ABCA1: variants seen among roughly 807,000 people sequenced by gnomAD.
The protein encoded by ABCA1 is ATP binding cassette subfamily A member 1.
In ABCA1, 133 loss-of-function variants were observed where a neutral mutation model predicts 262.5. The observed-to-expected ratio is 0.51, with a 90% CI of 0.44 to 0.59. ABCA1 has a LOEUF of 0.59. Ranked by LOEUF, ABCA1 falls within the 20% of genes least tolerant of loss-of-function variation. The pLI is 0.00. For missense variants in ABCA1, 2,452 were observed against 2,777.5 expected (o/e 0.88, Z 2.63); for synonymous variants, 1,022 against 1,043.5 (o/e 0.98, Z 0.40).
At chr9:104,881,122 C>T (rs1838612511) in intron 5 of ABCA1, among the ~76,000 whole-genome samples, 1 of 152,122 alleles carries the variant, frequency 6.6e-6, no homozygotes, top group East Asian at 1.9e-4. Flanking sequence ...GCACTCCAGC[C>T]TGGTGACAGA....
chr9:104,926,449 CAA>C (rs33976424), intron 1 of ABCA1, among the ~76,000 whole-genome samples: 71,987 of 132,196 alleles, frequency 0.54, 18,973 homozygotes, highest in African/African-American at 0.7. Flanking sequence ...AACACGCTAA[CAA>C]AAAAAAAAAC....
At chr9:104,895,492 C>A (rs971823856) in intron 2 of ABCA1, among the ~76,000 whole-genome samples, 2 of 152,108 alleles carry the variant, frequency 1.3e-5, no homozygotes, top group South Asian at 4.1e-4. Flanking sequence ...GATGTTATGT[C>A]CCTGGTGGAA....
At chr9:104,818,961 A>G in intron 22 of ABCA1, 78 bp from the exon 23 acceptor site, 1 of 1,341,188 alleles carries the variant, frequency 7.5e-7, no homozygotes, top group East Asian at 2.5e-5. Context: ...GGGACTAGAG[A>G]GATATTAGCA....
At chr9:104,922,683 G>A (rs1842203963) in intron 1 of ABCA1, among the ~76,000 whole-genome samples, 1 of 152,076 alleles carries the variant, frequency 6.6e-6, no homozygotes, top group South Asian at 2.1e-4. Context: ...AATAAGAAAG[G>A]CACTTTCTCA....
intron 7 of ABCA1, among the ~76,000 whole-genome samples, chr9:104,858,247 T>C (rs926580622): frequency 3.9e-5 from 6 of 152,140 alleles, no homozygotes; most frequent in African/African-American, 1.4e-4. Flanking sequence ...AGTAAAAACA[T>C]GAAAAAGCAG....
intron 2 of ABCA1, among the ~76,000 whole-genome samples, chr9:104,901,756 T>A (rs966281170): frequency 2.6e-5 from 4 of 152,188 alleles, no homozygotes; most frequent in Non-Finnish European, 4.4e-5. Flanking sequence ...TATCTGGATT[T>A]GAACCCTACC....
rs1374237847 is a variant in ABCA1, at chr9:104,841,040, T to C, written c.814-521A>G. Reference sequence around the variant, plus strand: ...AACTCCCCGAACTCTAGTGTAGAAATTGAACAGCCCTCTTCCGCCTTGGGA... The same window carrying C: ...AACTCCCCGAACTCTAGTGTAGAAACTGAACAGCCCTCTTCCGCCTTGGGA... On this transcript the variant is annotated intron_variant, in intron 8 of 49. Transcript: ENST00000374736. Among the ~76,000 whole-genome samples, 5 of 152,304 alleles carry C rather than the reference T, an allele frequency of 3.3e-5. No individual in the cohort carries two copies. In the South Asian group the frequency reaches 6.2e-4, roughly 19 times the overall value.
intron 8 of ABCA1, among the ~76,000 whole-genome samples, chr9:104,841,042 G>A (rs939087380): frequency 6.6e-6 from 1 of 152,174 alleles, no homozygotes; most frequent in Admixed American, 6.5e-5. Context: ...TGTAGAAATT[G>A]AACAGCCCTC....
intron 2 of ABCA1, among the ~76,000 whole-genome samples, chr9:104,896,116 G>T (rs952286136): frequency 1.3e-5 from 2 of 152,184 alleles, no homozygotes; most frequent in Non-Finnish European, 1.5e-5. Context: ...AAATCTAAGA[G>T]AACTCACAAA....
At chr9:104,898,665 C>T (rs867658849) in intron 2 of ABCA1, among the ~76,000 whole-genome samples, 1 of 152,132 alleles carries the variant, frequency 6.6e-6, no homozygotes, top group African/African-American at 2.4e-5. Context: ...ACTACCAACT[C>T]ATCCCCCGCC....
chr9:104,832,130 C>A (rs1378848455), intron 12 of ABCA1, among the ~76,000 whole-genome samples: 1 of 152,182 alleles, frequency 6.6e-6, no homozygotes, highest in Non-Finnish European at 1.5e-5. Flanking sequence ...TGAGTCATAG[C>A]AACTAACCAA....
intron 1 of ABCA1, among the ~76,000 whole-genome samples, chr9:104,919,137 T>A (rs917938742): frequency 2.6e-5 from 4 of 152,196 alleles, no homozygotes; most frequent in Non-Finnish European, 5.9e-5. Flanking sequence ...AAGCTTTGTG[T>A]CTTACCGACC....
intron 27 of ABCA1, among the ~76,000 whole-genome samples, chr9:104,813,846 C>T (rs755148363): frequency 2.0e-5 from 3 of 152,200 alleles, no homozygotes; most frequent in Non-Finnish European, 4.4e-5. Flanking sequence ...GAAACTAGGA[C>T]CCCGCAGAAA....
intron 9 of ABCA1, among the ~76,000 whole-genome samples, chr9:104,838,616 CAAA>C (rs1191592377): frequency 3.7e-5 from 4 of 106,702 alleles, no homozygotes; most frequent in Admixed American, 9.9e-5. Flanking sequence ...GACTCCCTCT[CAAA>C]AAAAAAAAAA....
chr9:104,834,437 T>A (rs1380749019), intron 11 of ABCA1, among the ~76,000 whole-genome samples: 1 of 149,370 alleles, frequency 6.7e-6, no homozygotes, highest in Non-Finnish European at 1.5e-5. Context: ...AGACACAAAA[T>A]TGTACCTCAC....
chr9:104,884,111 C>T (rs1838938774), intron 4 of ABCA1, among the ~76,000 whole-genome samples: 2 of 152,222 alleles, frequency 1.3e-5, no homozygotes, highest in Admixed American at 1.3e-4. Context: ...CCCTCTAGCT[C>T]CTAGAGCCAG....
chr9:104,881,368 GAT>G (rs1838638117), intron 5 of ABCA1, among the ~76,000 whole-genome samples: 1 of 152,132 alleles, frequency 6.6e-6, no homozygotes, highest in Non-Finnish European at 1.5e-5. Flanking sequence ...CTATGTGCCA[GAT>G]ACTACATTAG....
At chr9:104,899,723 C>T (rs1360704197) in intron 2 of ABCA1, among the ~76,000 whole-genome samples, 1 of 152,060 alleles carries the variant, frequency 6.6e-6, no homozygotes, top group Non-Finnish European at 1.5e-5. Flanking sequence ...TAACTATTTT[C>T]CCAGCCACAT....
In ABCA1 at chr9:104,800,565, A is replaced by G. The variant is rs146024599; in HGVS notation, c.4718T>C (p.Phe1573Ser). Residue 1573 changes from phenylalanine (F) to serine (S), a missense_variant, in exon 35 of 50, where the codon TTT becomes TCT. Around this residue, in one of 4 missense-constraint regions of ABCA1, gnomAD observed 752 missense variants for 944.5 expected, o/e 0.80. Transcript: ENST00000374736. Reference sequence around the variant, plus strand: ...CATAAATCTTCCCAAGCTGTTGAGAAATCGATCTGCAGAACTGTCCTGTAA... The same window carrying G: ...CATAAATCTTCCCAAGCTGTTGAGAGATCGATCTGCAGAACTGTCCTGTAA... ...KLAKDSSADR[F>S]LNSLGRFMTG... 6.2e-7 allele frequency: 1 copy of G among 1,614,034 alleles called. No homozygotes were observed. The highest frequency in any genetic ancestry group is 1.3e-5 in the African/African-American group (1 of 74,922).
Sources: gnomAD v4.1 joint callset for allele counts (sites outside exome capture counted in the v4.1 genomes callset) on GRCh38, gnomAD v4.1.1 for gene constraint, gnomAD v4.1.1 regional missense constraint, MANE v1.5 for transcripts, NCBI Gene and HGNC (gene_info 2026-07-23, HGNC 2026-07-21) for gene names.